Variants in SYNE1 observed in about 807,000 individuals in gnomAD.
SYNE1 encodes the protein spectrin repeat containing nuclear envelope protein 1.
Under a neutral mutation model 1,111.0 loss-of-function variants are expected in SYNE1, and 616 were observed. That is an observed-to-expected ratio of 0.55 (90% CI 0.52 to 0.59). The LOEUF (loss-of-function observed/expected upper bound fraction) is 0.59, where lower values mean the gene tolerates loss of function less well. Ranked by LOEUF, SYNE1 falls within the 20% of genes least tolerant of loss-of-function variation. SYNE1 has a pLI of 0.00. For synonymous variants in SYNE1, 3,855 were observed against 3,825.8 expected, an observed-to-expected ratio of 1.01 and a Z score of -0.28; for missense variants, 10,006 against 10,417.0, an observed-to-expected ratio of 0.96 and a Z score of 1.72.
chr6:152,561,565 GA>G (rs1256122524), intron 3 of SYNE1, among the ~76,000 whole-genome samples: 2 of 150,952 alleles, frequency 1.3e-5, no homozygotes, highest in Non-Finnish European at 3.0e-5. Flanking sequence ...AATAGAAATA[GA>G]AAAAAAAGTC....
At chr6:152,444,310 A>AC in intron 30 of SYNE1, 101 bp downstream of exon 30, 1 of 1,349,422 alleles carries the variant, frequency 7.4e-7, no homozygotes. Context: ...ATGCCCCCTC[A>AC]CCCACTCTCT....
At chr6:152,567,263 T>C (rs1217313668) in intron 3 of SYNE1, among the ~76,000 whole-genome samples, 1 of 152,200 alleles carries the variant, frequency 6.6e-6, no homozygotes, top group East Asian at 1.9e-4. Context: ...ATTATATATA[T>C]GCCACAATTT....
At chr6:152,479,357 C>T (rs2098864534) in intron 14 of SYNE1, among the ~76,000 whole-genome samples, 1 of 152,170 alleles carries the variant, frequency 6.6e-6, no homozygotes, top group South Asian at 2.1e-4. Context: ...GGATGTGTAG[C>T]AGGTGGCAGA....
chr6:152,227,907 TG>T (rs2153495744), intron 115 of SYNE1, among the ~76,000 whole-genome samples: 1 of 152,304 alleles, frequency 6.6e-6, no homozygotes, highest in African/African-American at 2.4e-5. Flanking sequence ...AAGATGATTC[TG>T]TTTCTGATCA....
rs1422827273 is a variant in SYNE1, at chr6:152,330,045, C to T, written c.14640G>A (p.Glu4880=). 1 of 1,614,192 alleles carries T rather than the reference C, an allele frequency of 6.2e-7. No homozygotes were observed. Among genetic ancestry groups the T allele is most frequent in the Non-Finnish European group, 8.5e-7 (1 of 1,180,032 alleles). The part of the protein sequence containing the change: ...SAIGETVTEC[E]SRMVQSIDFQ... ...AGTCTATACTCTGCACCATTCGGCT[C>T]TCACATTCTGTCACCGTCTCACCAA... The change falls in exon 78 of 146, where the codon GAG becomes GAA. Residue 4880 remains glutamate, a synonymous_variant. Coordinates refer to ENST00000367255, the MANE Select transcript of SYNE1 (RefSeq NM_182961.4).
intron 3 of SYNE1, among the ~76,000 whole-genome samples, chr6:152,542,394 A>C (rs2099275567): frequency 6.6e-6 from 1 of 152,248 alleles, no homozygotes; most frequent in Non-Finnish European, 1.5e-5. Flanking sequence ...TATATAAAAA[A>C]CAAATTGGTA....
chr6:152,519,127 T>TA (rs1465816395), intron 6 of SYNE1, among the ~76,000 whole-genome samples: 5 of 152,052 alleles, frequency 3.3e-5, no homozygotes, highest in Non-Finnish European at 7.4e-5. Context: ...CCCTAAAACT[T>TA]AAAGTATAAT....
chr6:152,442,126 G>T lies in SYNE1; in HGVS notation c.3957C>A (p.Ser1319Arg), dbSNP rs1272204034. The T allele has an allele frequency of 1.9e-6, 3 of 1,614,062 alleles. No individual in the cohort carries two copies. Among genetic ancestry groups the T allele is most frequent in the Non-Finnish European group, 2.5e-6 (3 of 1,180,038 alleles). ...RGHEELRKLE[S>R]TLDGLERSRE... ...GGCTGCGCTCCAGGCCATCCAGTGT[G>T]CTCTCCAGCTTCCGCAGCTCCTCGT... The change falls in exon 31 of 146, where the codon AGC (serine) becomes AGA (arginine). Residue 1319 changes from serine to arginine, a missense_variant. This residue lies in a region of SYNE1 where 1,971 missense variants were observed against 2,084.1 expected (regional missense o/e 0.95). Transcript: ENST00000367255.
chr6:152,303,165 T>A (rs139179731), intron 91 of SYNE1, among the ~76,000 whole-genome samples: 3 of 148,184 alleles, frequency 2.0e-5, no homozygotes, highest in African/African-American at 7.4e-5. Context: ...ATAGAACACA[T>A]TTTGTGGGCC....
chr6:152,136,851 A>G (rs1348706538), intron 140 of SYNE1, 33 bp from the exon 141 acceptor site: 10 of 1,601,570 alleles, frequency 6.2e-6, no homozygotes, highest in Middle Eastern at 1.7e-4. Context: ...TCAAACAAGG[A>G]CAATAATGAC....
intron 3 of SYNE1, among the ~76,000 whole-genome samples, chr6:152,621,248 G>A (rs1042603834): frequency 6.6e-6 from 1 of 152,164 alleles, no homozygotes; most frequent in African/African-American, 2.4e-5. Context: ...CTTAGAATAT[G>A]GAATCCCAGC....
chr6:152,268,436 A>G (rs1017735014), intron 99 of SYNE1, among the ~76,000 whole-genome samples: 1 of 151,518 alleles, frequency 6.6e-6, no homozygotes, highest in Admixed American at 6.6e-5. Context: ...TTTGCCGGGC[A>G]ATAGTGCCCT....
intron 127 of SYNE1, among the ~76,000 whole-genome samples, chr6:152,189,639 T>C (rs757815322): frequency 2.0e-5 from 3 of 152,206 alleles, no homozygotes; most frequent in Non-Finnish European, 4.4e-5. Context: ...TCAGTGCATA[T>C]AAAAGTTATG....
intron 32 of SYNE1, among the ~76,000 whole-genome samples, 164 bp downstream of exon 32, chr6:152,440,966 C>T (rs1592746358): frequency 6.6e-6 from 1 of 152,164 alleles, no homozygotes; most frequent in South Asian, 2.1e-4. Flanking sequence ...TTTAATCCTA[C>T]TTATGTTTTC....
At chr6:152,359,102 T>C (rs1338119810) in intron 65 of SYNE1, among the ~76,000 whole-genome samples, 1 of 152,226 alleles carries the variant, frequency 6.6e-6, no homozygotes, top group Non-Finnish European at 1.5e-5. Flanking sequence ...AATTTTTAGT[T>C]GAAAATTATC....
At chr6:152,426,094 AT>A (rs1008197519) in intron 38 of SYNE1, among the ~76,000 whole-genome samples, 79 of 152,326 alleles carry the variant, frequency 5.2e-4, no homozygotes, top group African/African-American at 1.8e-3. Context: ...CATTTTAAAA[AT>A]GTAATCAGTC....
chr6:152,501,762 C>T (rs1056879398), intron 10 of SYNE1, among the ~76,000 whole-genome samples: 6 of 151,260 alleles, frequency 4.0e-5, no homozygotes, highest in Non-Finnish European at 1.5e-5. Flanking sequence ...GAAAGAATCT[C>T]GGAACAATGT....
chr6:152,502,379 C>A (rs1007046848), intron 10 of SYNE1, among the ~76,000 whole-genome samples: 2 of 152,194 alleles, frequency 1.3e-5, no homozygotes, highest in African/African-American at 4.8e-5. Context: ...ACACTGCTAT[C>A]TTTTCTCAGT....
rs184427037 is a variant in SYNE1, at chr6:152,197,604, A to G, written c.23145+4220T>C. ...TCTTGTACATCTCCATCTCCATCAG[A>G]TATCTAGGGTGACTACGTGCATTAT... On this transcript the variant is annotated intron_variant, in intron 127 of 145. Transcript: ENST00000367255. Among the ~76,000 whole-genome samples the G allele has an allele frequency of 4.8e-3, 737 of 152,326 alleles. 3 individuals are homozygous for G. The highest frequency in any genetic ancestry group is 8.0e-3 in the Non-Finnish European group (544 of 68,026).
Sources: gnomAD v4.1 joint callset for allele counts (sites outside exome capture counted in the v4.1 genomes callset) on GRCh38, gnomAD v4.1.1 for gene constraint, gnomAD v4.1.1 regional missense constraint, MANE v1.5 for transcripts, NCBI Gene and HGNC (gene_info 2026-07-23, HGNC 2026-07-21) for gene names.